Variants in VN1R1 observed in about 807,000 individuals in gnomAD.
The protein encoded by VN1R1 is vomeronasal 1 receptor 1, also known as vomeronasal type-1 receptor 1.
For missense variants in VN1R1, 391 were observed against 410.3 expected (o/e 0.95, Z 0.41); for synonymous variants, 168 against 149.8 (o/e 1.12, Z -0.89).
In VN1R1 at chr19:57,456,566, C is replaced by G. The variant is rs2089133591; in HGVS notation, c.-80G>C. 8.0e-7 allele frequency: 1 copy of G among 1,249,350 alleles called. No homozygotes were observed. Among genetic ancestry groups the G allele is most frequent in the East Asian group, 2.5e-5 (1 of 40,026 alleles). 77.4% of individuals were successfully genotyped at this position (1,249,350 alleles called of 1,614,324 possible). ...GCTTGTGTGTCCAACTGCAGAGAAG[C>G]AGGTGAATGAATGAGGGCTCAACCG... On this transcript the variant is annotated 5_prime_UTR_variant, in exon 1 of 1. Coordinates refer to ENST00000321039, the MANE Select transcript of VN1R1 (RefSeq NM_020633.4).
chr19:57,455,644 G>A lies in VN1R1; in HGVS notation c.843C>T (p.Ser281=). 1.2e-6 allele frequency: 2 copies of A among 1,614,102 alleles called. No homozygotes were observed. Among genetic ancestry groups the A allele is most frequent in the South Asian group, 2.2e-5 (2 of 91,078 alleles). The change falls in exon 1 of 1, where the codon TCC becomes TCT. Residue 281 remains serine (S), a synonymous_variant. Coordinates refer to ENST00000321039, the MANE Select transcript of VN1R1 (RefSeq NM_020633.4). ...ATHTIMVLVS[S]FFVFYSVHSF... ...TATGGACTGAATAGAAAACAAAAAAGGAGCTCACCAGGACCATGATGGTGT... is the reference window on the plus strand; with the variant it reads ...TATGGACTGAATAGAAAACAAAAAAAGAGCTCACCAGGACCATGATGGTGT...
chr19:57,455,594 A>G lies in VN1R1; in HGVS notation c.893T>C (p.Val298Ala), dbSNP rs1268381856. The G allele has an allele frequency of 6.8e-6, 11 of 1,614,230 alleles. No homozygotes were observed. The highest frequency in any genetic ancestry group is 9.3e-6 in the Non-Finnish European group (11 of 1,180,048). ...VHSFLTIWTT[V>A]VANPGQWIVT... ...TATCCACTGGCCTGGGTTTGCAACT[A>G]CAGTTGTCCAAATTGTCAGAAAACT... Residue 298 changes from valine (V) to alanine (A), a missense_variant, in exon 1 of 1, where the codon GTA (valine) becomes GCA (alanine). Val to Ala is a moderately conservative substitution (Grantham distance 64). Transcript: ENST00000321039.
the VN1R1 span, chr19:57,456,020 CTGCATATA>C: frequency 6.2e-7 from 1 of 1,614,164 alleles, no homozygotes; most frequent in South Asian, 1.1e-5. Flanking sequence ...CTCCATCCAC[CTGCATATA>C]CTGGGGTTGA....
rs754500263 is a variant in VN1R1 at position 57,456,019 on chromosome 19, C to T, written c.468G>A (p.Arg156=). 6.2e-7 allele frequency: 1 copy of T among 1,614,160 alleles called. No individual in the cohort carries two copies. The highest frequency in any genetic ancestry group is 8.5e-7 in the Non-Finnish European group (1 of 1,180,044). ...QAIKLNPSIC[R]WMEIKIRSPR... ...GGGATCTAATCTTGATCTCCATCCA[C>T]CTGCATATACTGGGGTTGAGCTTAA... is the stretch of plus-strand genomic sequence containing the variant. Residue 156 remains arginine, a synonymous_variant, in exon 1 of 1, where the codon AGG becomes AGA. Coordinates refer to ENST00000321039, the MANE Select transcript of VN1R1 (RefSeq NM_020633.4).
Position 57,456,303 on chromosome 19 carries a change from C to T in VN1R1, c.184G>A (p.Gly62Arg), listed in dbSNP as rs1294934267. The stretch of plus-strand genomic sequence containing the variant: ...TAAAAACAAAGGAGAAAGGAATTTC[C>T]CAGGATCCCAACTCCAGTCTGAATG... The part of the protein sequence containing the change: ...FLIQTGVGIL[G>R]NSFLLCFYNL... The change falls in exon 1 of 1, where the codon GGA becomes AGA. Residue 62 changes from glycine to arginine, a missense_variant. Gly to Arg is a moderately radical substitution (Grantham distance 125, BLOSUM62 -2). Coordinates refer to ENST00000321039, the MANE Select transcript of VN1R1 (RefSeq NM_020633.4). 2 of 1,612,906 alleles carry T rather than the reference C, an allele frequency of 1.2e-6. No homozygotes were observed. Among genetic ancestry groups the T allele is most frequent in the Non-Finnish European group, 1.7e-6 (2 of 1,179,294 alleles).
the VN1R1 span, chr19:57,455,552 AAC>A: frequency 8.7e-6 from 14 of 1,614,222 alleles, 1 homozygote; most frequent in Non-Finnish European, 1.2e-5. Flanking sequence ...TGAGGCGACC[AAC>A]ACAGAGTTGG....
Position 57,456,597 on chromosome 19 carries a change from C to G in VN1R1, c.-111G>C. On this transcript the variant is annotated 5_prime_UTR_variant, in exon 1 of 1. Coordinates refer to ENST00000321039, the MANE Select transcript of VN1R1 (RefSeq NM_020633.4). ...AATGAATGAGGGCTCAACCGCACAA[C>G]AGATCCACAAATCAAACCTATAAAA... The G allele has an allele frequency of 1.2e-6, 1 of 850,716 alleles. No individual in the cohort carries two copies. The highest frequency in any genetic ancestry group is 1.7e-6 in the Non-Finnish European group (1 of 575,184). 52.7% of individuals were successfully genotyped at this position (850,716 alleles called of 1,614,324 possible).
At position 57,455,382 on chromosome 19, in the gene VN1R1, C is replaced by A; in HGVS notation, c.*43G>T. 1.3e-6 allele frequency: 2 copies of A among 1,533,356 alleles called. No individual in the cohort carries two copies. Among genetic ancestry groups the A allele is most frequent in the Non-Finnish European group, 8.8e-7 (1 of 1,131,640 alleles). The allele number at this position is 1,533,356 out of a possible 1,614,324, so 95.0% of individuals were successfully genotyped here. A position where few individuals can be genotyped will look rare whatever the true frequency, so the allele number is the denominator to read the frequency against. ...GTAGTTAATATTTCCTAAATCTTAG[C>A]AAGAGTTATGATAAATAGCTGAATT... On this transcript the variant is annotated 3_prime_UTR_variant, in exon 1 of 1. Transcript: ENST00000321039.
At position 57,456,336 on chromosome 19, in the gene VN1R1, T is replaced by G. The variant is rs772406269; in HGVS notation, c.151A>C (p.Ser51Arg). The G allele has an allele frequency of 6.2e-7, 1 of 1,613,978 alleles. No homozygotes were observed. The highest frequency in any genetic ancestry group is 2.2e-5 in the East Asian group (1 of 44,878). Reference protein sequence around the residue: ...MAFGKVKSGISFLIQTGVGIL... With the variant: ...MAFGKVKSGIRFLIQTGVGIL... ...CCAACTCCAGTCTGAATGAGGAAGC[T>G]AATCCCTGATTTTACTTTTCCAAAA... Residue 51 changes from serine to arginine, a missense_variant, in exon 1 of 1, where the codon AGC (serine) becomes CGC (arginine). Physicochemically the swap from Ser to Arg is moderately radical, Grantham distance 110 (BLOSUM62 -1). Transcript: ENST00000321039.
chr19:57,455,497 A>G lies in VN1R1; in HGVS notation c.990T>C (p.Thr330=). The change falls in exon 1 of 1, where the codon ACT becomes ACC. Residue 330 remains threonine (T), a synonymous_variant. Coordinates refer to ENST00000321039, the MANE Select transcript of VN1R1 (RefSeq NM_020633.4). ...AGGCAAAACAGAACTGAGAGATATG[A>G]GTATCACTCATGATGAGGACAAAAG... The part of the protein sequence containing the change: ...RSPFVLIMSD[T]HISQFCFACR... 1.9e-6 allele frequency: 3 copies of G among 1,614,170 alleles called. No homozygotes were observed. Among genetic ancestry groups the G allele is most frequent in the Non-Finnish European group, 2.5e-6 (3 of 1,180,026 alleles).
Position 57,455,928 on chromosome 19 carries a change from G to C in VN1R1, c.559C>G (p.Leu187Val), listed in dbSNP as rs1335608709. 6.2e-7 allele frequency: 1 copy of C among 1,614,050 alleles called. No homozygotes were observed. The highest frequency in any genetic ancestry group is 8.5e-7 in the Non-Finnish European group (1 of 1,180,042). The part of the protein sequence containing the change: ...APHVLMNASV[L>V]LLVNGPLNSK... ...TTCAGTGGGCCATTCACTAATAGAA[G>C]AACAGATGCATTCATCAAGACATGG... The change falls in exon 1 of 1, where the codon CTT becomes GTT. Residue 187 changes from leucine to valine, a missense_variant. Leu to Val is a conservative substitution (Grantham distance 32, BLOSUM62 1). Transcript: ENST00000321039.
rs1409572507 is a variant in VN1R1 at position 57,455,936 on chromosome 19, G to A, written c.551C>T (p.Ala184Val). ...GCCATTCACTAATAGAAGAACAGAT[G>A]CATTCATCAAGACATGGGGGGCCCA... ...LCWAPHVLMN[A>V]SVLLLVNGPL... The change falls in exon 1 of 1, where the codon GCA becomes GTA. Residue 184 changes from alanine to valine, a missense_variant. Transcript: ENST00000321039. 1 of 1,614,222 alleles carries A rather than the reference G, an allele frequency of 6.2e-7. No homozygotes were observed. Among genetic ancestry groups the A allele is most frequent in the Non-Finnish European group, 8.5e-7 (1 of 1,180,036 alleles).
Position 57,455,508 on chromosome 19 carries a change from T to C in VN1R1, c.979A>G (p.Met327Val), listed in dbSNP as rs770578252. Residue 327 changes from methionine to valine, a missense_variant, in exon 1 of 1, where the codon ATG (methionine) becomes GTG (valine). Met to Val is a conservative substitution (Grantham distance 21, BLOSUM62 1). Coordinates refer to ENST00000321039, the MANE Select transcript of VN1R1 (RefSeq NM_020633.4). ...FPARSPFVLI[M>V]SDTHISQFCF... ...AACTGAGAGATATGAGTATCACTCA[T>C]GATGAGGACAAAAGGGCTGCGTGCT... The C allele has an allele frequency of 2.5e-6, 4 of 1,614,120 alleles. No individual in the cohort carries two copies. Among genetic ancestry groups the C allele is most frequent in the Non-Finnish European group, 2.5e-6 (3 of 1,180,016 alleles).
Position 57,456,406 on chromosome 19 carries a change from T to G in VN1R1, c.81A>C (p.Ser27=). 1.2e-6 allele frequency: 2 copies of G among 1,611,388 alleles called. No individual in the cohort carries two copies. Among genetic ancestry groups the G allele is most frequent in the South Asian group, 2.2e-5 (2 of 90,768 alleles). ...FFLLFYSTDS[S]DLNENQHPLD... The stretch of plus-strand genomic sequence containing the variant: ...GGGGATGTTGATTTTCATTGAGGTC[T>G]GAAGAATCAGTAGAATAAAAAAGCA... The change falls in exon 1 of 1, where the codon TCA becomes TCC. Residue 27 remains serine, a synonymous_variant. Transcript: ENST00000321039.
At position 57,455,527 on chromosome 19, in the gene VN1R1, G is replaced by C; in HGVS notation, c.960C>G (p.Arg320=). ...SVLVASCFPA[R]SPFVLIMSDT... The stretch of plus-strand genomic sequence containing the variant: ...CACTCATGATGAGGACAAAAGGGCT[G>C]CGTGCTGGGAAACATGAGGCGACCA... The change falls in exon 1 of 1, where the codon CGC becomes CGG. Residue 320 remains arginine, a synonymous_variant. Coordinates refer to ENST00000321039, the MANE Select transcript of VN1R1 (RefSeq NM_020633.4). 1 of 1,614,154 alleles carries C rather than the reference G, an allele frequency of 6.2e-7. No homozygotes were observed. Among genetic ancestry groups the C allele is most frequent in the Non-Finnish European group, 8.5e-7 (1 of 1,180,046 alleles).
rs916306493 is a variant in VN1R1, at chr19:57,456,658, G to A, written c.-172C>T. 3 of 507,014 alleles carry A rather than the reference G, an allele frequency of 5.9e-6. No homozygotes were observed. The highest frequency in any genetic ancestry group is 1.0e-5 in the Non-Finnish European group (3 of 291,470). The allele number at this position is 507,014 out of a possible 1,614,324, so 31.4% of individuals were successfully genotyped here. Reference sequence around the variant, plus strand: ...ACACACATGCAACAAGTAAATACAAGCAAAACTAGGGAAATATATAAAAAC... The same window carrying A: ...ACACACATGCAACAAGTAAATACAAACAAAACTAGGGAAATATATAAAAAC... On this transcript the variant is annotated 5_prime_UTR_variant, in exon 1 of 1. Coordinates refer to ENST00000321039, the MANE Select transcript of VN1R1 (RefSeq NM_020633.4).
Position 57,455,566 on chromosome 19 carries a change from C to T in VN1R1, c.921G>A (p.Val307=), listed in dbSNP as rs150020429. The T allele has an allele frequency of 2.2e-4, 361 of 1,614,028 alleles. 3 individuals are homozygous for T. Among genetic ancestry groups the T allele is most frequent in the Admixed American group, 8.3e-5 (5 of 60,002 alleles). ...ATGAGGCGACCAACACAGAGTTGGT[C>T]ACTATCCACTGGCCTGGGTTTGCAA... The part of the protein sequence containing the change: ...TVVANPGQWI[V]TNSVLVASCF... The change falls in exon 1 of 1, where the codon GTG becomes GTA. Residue 307 remains valine, a synonymous_variant. Transcript: ENST00000321039.
In VN1R1 at chr19:57,457,123, A is replaced by G. The variant is rs1277000842; in HGVS notation, c.-637T>C. The G allele has an allele frequency of 1.3e-5, 2 of 151,364 alleles. No individual in the cohort carries two copies. The highest frequency in any genetic ancestry group is 2.9e-5 in the Non-Finnish European group (2 of 67,958). 9.4% of individuals were successfully genotyped at this position (151,364 alleles called of 1,614,324 possible). On this transcript the variant is annotated 5_prime_UTR_variant, in exon 1 of 1. Transcript: ENST00000321039. The stretch of plus-strand genomic sequence containing the variant: ...CAGCTACTCGGGAGGCTGAGGCAGG[A>G]GAATCGCTTGAACCTGGGAGGCAGA...
chr19:57,455,784 T>C lies in VN1R1; in HGVS notation c.703A>G (p.Met235Val), dbSNP rs755158613. The change falls in exon 1 of 1, where the codon ATG (methionine) becomes GTG (valine). Residue 235 changes from methionine (M) to valine (V), a missense_variant. Met to Val is a conservative substitution (Grantham distance 21). Transcript: ENST00000321039. Reference sequence around the variant, plus strand: ...ACCATGGAGCCACTGGCCCAGACCATGAAGCCCAAACTCATAAAATCAGGG... The same window carrying C: ...ACCATGGAGCCACTGGCCCAGACCACGAAGCCCAAACTCATAAAATCAGGG... ...FSPDFMSLGF[M>V]VWASGSMVFF... The C allele has an allele frequency of 3.7e-6, 6 of 1,614,074 alleles. No individual in the cohort carries two copies. Among genetic ancestry groups the C allele is most frequent in the Non-Finnish European group, 5.1e-6 (6 of 1,180,022 alleles).
Sources: allele counts gnomAD v4.1 joint callset, GRCh38; gene constraint gnomAD v4.1.1; transcripts MANE v1.5; gene names NCBI Gene and HGNC (gene_info 2026-07-23, HGNC 2026-07-21).